Variants in S100A8 observed in about 807,000 individuals in gnomAD.
The protein encoded by S100A8 is protein S100-A8.
In S100A8, 1 loss-of-function variant was observed where a neutral mutation model predicts 4.2. The observed-to-expected ratio is 0.24, with a 90% confidence interval of 0.08 to 1.12. The LOEUF is 1.12. S100A8 is among the 50% of genes most tolerant of loss of function. The pLI is 0.53. For missense variants in S100A8, 96 were observed against 111.8 expected, an observed-to-expected ratio of 0.86 and a Z score of 0.64; for synonymous variants, 41 against 44.7, an observed-to-expected ratio of 0.92 and a Z score of 0.33.
chr1:153,394,319 G>A (rs546130292), upstream of S100A8, among the ~76,000 whole-genome samples: 160 of 152,292 alleles, frequency 1.1e-3, 1 homozygote, highest in African/African-American at 3.7e-3. Context: ...CTCAATGCCT[G>A]TGGAGCCCAG....
the S100A8 span, among the ~76,000 whole-genome samples, chr1:153,413,057 AC>A: frequency 3.1e-4 from 47 of 152,330 alleles, no homozygotes; most frequent in African/African-American, 1.0e-3. Flanking sequence ...TGGGTGCAGC[AC>A]ACCAACATGG....
At chr1:153,418,220 C>T in the S100A8 span, 1 of 1,613,968 alleles carries the variant, frequency 6.2e-7, no homozygotes, top group South Asian at 1.1e-5. Context: ...TCCTCAGTGC[C>T]TGTGTGAGTT....
chr1:153,418,527 A>C, the S100A8 span, among the ~76,000 whole-genome samples: 1 of 152,170 alleles, frequency 6.6e-6, no homozygotes. Flanking sequence ...ACTGAAACTC[A>C]CATGCTCAGG....
the S100A8 span, chr1:153,419,502 T>C: frequency 1.6e-6 from 1 of 639,738 alleles, no homozygotes; most frequent in Non-Finnish European, 2.7e-6. Flanking sequence ...TCCAGCAACG[T>C]TCCCCCTATG....
the S100A8 span, among the ~76,000 whole-genome samples, chr1:153,409,155 A>G: frequency 6.6e-6 from 1 of 152,234 alleles, no homozygotes; most frequent in Non-Finnish European, 1.5e-5. Flanking sequence ...AATGGGCTAA[A>G]TGCTCCAATT....
At chr1:153,396,318 A>G in the S100A8 span, among the ~76,000 whole-genome samples, 2 of 152,392 alleles carry the variant, frequency 1.3e-5, no homozygotes, top group Admixed American at 6.5e-5. Context: ...TTGATCTAAA[A>G]TGGATCTTTC....
the S100A8 span, among the ~76,000 whole-genome samples, chr1:153,401,756 T>C: frequency 8.1e-3 from 1,228 of 152,336 alleles, 17 homozygotes; most frequent in African/African-American, 0.023. Flanking sequence ...ATTCAATTTC[T>C]GACTAAGAGG....
chr1:153,415,986 A>G, the S100A8 span, among the ~76,000 whole-genome samples: 3 of 152,336 alleles, frequency 2.0e-5, no homozygotes, highest in East Asian at 5.8e-4. Flanking sequence ...ACTTGGGAAC[A>G]TCTCAACTTC....
the S100A8 span, among the ~76,000 whole-genome samples, chr1:153,415,525 T>G: frequency 6.6e-6 from 1 of 152,210 alleles, no homozygotes; most frequent in African/African-American, 2.4e-5. Context: ...CCAACCCTCT[T>G]GCCCCTACCT....
At chr1:153,407,886 A>G in the S100A8 span, among the ~76,000 whole-genome samples, 1 of 152,206 alleles carries the variant, frequency 6.6e-6, no homozygotes, top group Non-Finnish European at 1.5e-5. Context: ...GCAAATTCCA[A>G]CAGACCTGCA....
chr1:153,411,946 C>T, the S100A8 span, among the ~76,000 whole-genome samples: 1 of 152,206 alleles, frequency 6.6e-6, no homozygotes, highest in Non-Finnish European at 1.5e-5. Flanking sequence ...AAAGCTGAAA[C>T]TGGATCCCTT....
upstream of S100A8, among the ~76,000 whole-genome samples, chr1:153,395,245 A>G (rs952476311): frequency 2.0e-5 from 3 of 152,060 alleles, no homozygotes; most frequent in Admixed American, 6.5e-5. Flanking sequence ...GTTGACTGTC[A>G]CCCAGGTTCT....
the S100A8 span, among the ~76,000 whole-genome samples, chr1:153,408,699 A>C: frequency 6.6e-6 from 1 of 152,244 alleles, no homozygotes; most frequent in Non-Finnish European, 1.5e-5. Context: ...GTTGAAATGA[A>C]GGAAAAAATC....
At chr1:153,393,377 T>C (rs1662146608), upstream of S100A8, among the ~76,000 whole-genome samples, 1 of 152,214 alleles carries the variant, frequency 6.6e-6, no homozygotes, top group South Asian at 2.1e-4. Flanking sequence ...CAGGAGACCA[T>C]TTAGAAAAGA....
chr1:153,395,302 G>C (rs887411047), upstream of S100A8, among the ~76,000 whole-genome samples: 4 of 152,114 alleles, frequency 2.6e-5, no homozygotes, highest in African/African-American at 7.2e-5. Context: ...TGCCAGGCTG[G>C]ATTGTTGGCT....
chr1:153,391,167 T>G (rs1260261294), upstream of S100A8: 33 of 985,216 alleles, frequency 3.3e-5, no homozygotes, highest in Non-Finnish European at 4.0e-5. Flanking sequence ...CCTGCCAGAG[T>G]TGCTACAGTC....
the S100A8 span, among the ~76,000 whole-genome samples, chr1:153,399,481 T>C: frequency 6.6e-6 from 1 of 152,044 alleles, no homozygotes; most frequent in South Asian, 2.1e-4. Context: ...CTTAACTACA[T>C]CTCCCTGGGG....
chr1:153,396,169 G>A, the S100A8 span, among the ~76,000 whole-genome samples: 19 of 152,210 alleles, frequency 1.2e-4, no homozygotes, highest in Non-Finnish European at 1.5e-4. Flanking sequence ...ACTCCCTAGA[G>A]GAATAAGCTG....
At chr1:153,411,681 C>T in the S100A8 span, among the ~76,000 whole-genome samples, 1 of 152,168 alleles carries the variant, frequency 6.6e-6, no homozygotes, top group Non-Finnish European at 1.5e-5. Context: ...CAAGACAATC[C>T]TAAGCCAAAA....
Sources: gnomAD v4.1 joint callset for allele counts (sites outside exome capture counted in the v4.1 genomes callset) on GRCh38, gnomAD v4.1.1 for gene constraint, MANE v1.5 for transcripts, NCBI Gene and HGNC (gene_info 2026-07-23, HGNC 2026-07-21) for gene names.